Variants in FREM1 observed in about 807,000 individuals in gnomAD.
FREM1 encodes FRAS1 related extracellular matrix 1.
A neutral mutation model predicts 210.1 loss-of-function variants in FREM1; 220 were observed. The ratio of observed to expected loss-of-function variants is 1.05; its 90% CI spans 0.94 to 1.17. The LOEUF (loss-of-function observed/expected upper bound fraction) is 1.17, where lower values mean the gene tolerates loss of function less well. Among genes scored for constraint, FREM1 ranks in the 50% most tolerant of loss-of-function variants. FREM1 has a pLI of 0.00. For synonymous variants in FREM1, 1,189 were observed against 980.2 expected (o/e 1.21, Z -3.98); for missense variants, 3,454 against 2,675.5 (o/e 1.29, Z -6.42).
intron 7 of FREM1, among the ~76,000 whole-genome samples, chr9:14,847,474 A>T (rs1826905890): frequency 7.7e-6 from 1 of 129,128 alleles, no homozygotes; most frequent in Non-Finnish European, 1.8e-5. Context: ...GGGAGAAGAA[A>T]TGGACAGAAG....
In FREM1 at chr9:14,750,159, T is replaced by G; in HGVS notation, c.5525A>C (p.Lys1842Thr). ...PVNAVLGTKT[K>T]AAVKILDSKG... ...TGAGTCCAAAATTTTCACTGCAGCT[T>G]TTGTCTTTGTGCCAAGAACTGCATT... The change falls in exon 30 of 37, where the codon AAA (lysine) becomes ACA (threonine). Residue 1842 changes from lysine to threonine, a missense_variant. Physicochemically the swap from Lys to Thr is moderately conservative, Grantham distance 78. Coordinates refer to ENST00000380880, the MANE Select transcript of FREM1 (RefSeq NM_001379081.2). The G allele has an allele frequency of 6.2e-7, 1 of 1,613,774 alleles. No individual in the cohort carries two copies. The highest frequency in any genetic ancestry group is 2.2e-5 in the East Asian group (1 of 44,882).
chr9:14,754,448 G>A (rs1227822490), intron 29 of FREM1, among the ~76,000 whole-genome samples: 1 of 152,164 alleles, frequency 6.6e-6, no homozygotes, highest in Admixed American at 6.5e-5. Flanking sequence ...ACAAAATACA[G>A]ATTTTTGCAT....
intron 27 of FREM1, among the ~76,000 whole-genome samples, chr9:14,766,560 C>T (rs1486070033): frequency 6.6e-6 from 1 of 152,142 alleles, no homozygotes; most frequent in Non-Finnish European, 1.5e-5. Flanking sequence ...ACAAGCATTT[C>T]CTAATGCTTT....
rs1822055396 is a variant in FREM1, at chr9:14,824,925, T to A, written c.1949A>T (p.His650Leu). The change falls in exon 11 of 37, where the codon CAT becomes CTT. Residue 650 changes from histidine (H) to leucine (L), a missense_variant. By Grantham distance (99) the His-to-Leu change is moderately conservative (BLOSUM62 -3). Coordinates refer to ENST00000380880, the MANE Select transcript of FREM1 (RefSeq NM_001379081.2). Reference protein sequence around the residue: ...LPKEAPGVSRHLVVKETEVAY... With the variant: ...LPKEAPGVSRLLVVKETEVAY... ...CACCTCAGTTTCCTTGACAACCAAA[T>A]GCCGAGAAACTCCAGGAGCCTCTTT... 1 of 1,610,892 alleles carries A rather than the reference T, an allele frequency of 6.2e-7. No individual in the cohort carries two copies. The highest frequency in any genetic ancestry group is 8.5e-7 in the Non-Finnish European group (1 of 1,179,140).
At chr9:14,837,662 T>C (rs1824884524) in intron 10 of FREM1, among the ~76,000 whole-genome samples, 1 of 152,220 alleles carries the variant, frequency 6.6e-6, no homozygotes, top group Non-Finnish European at 1.5e-5. Flanking sequence ...TGATCCACAC[T>C]ATGGCTGGGA....
chr9:14,841,569 G>C lies in FREM1; in HGVS notation c.1759C>G (p.Leu587Val), dbSNP rs1825701733. The C allele has an allele frequency of 3.1e-6, 5 of 1,608,144 alleles. No individual in the cohort carries two copies. The highest frequency in any genetic ancestry group is 4.3e-6 in the Non-Finnish European group (5 of 1,175,986). ...GLIGYPVHGF[L>V]QRDLFNGIIY... ...ATTCCATTAAACAAATCCCTCTGAAGGAAGCCATGGACAGGATAGCCTATT... is the reference window on the plus strand; with the variant it reads ...ATTCCATTAAACAAATCCCTCTGAACGAAGCCATGGACAGGATAGCCTATT... The change falls in exon 10 of 37, where the codon CTT becomes GTT. Residue 587 changes from leucine (L) to valine (V), a missense_variant. By Grantham distance (32) the Leu-to-Val change is conservative. Coordinates refer to ENST00000380880, the MANE Select transcript of FREM1 (RefSeq NM_001379081.2).
intron 27 of FREM1, among the ~76,000 whole-genome samples, chr9:14,765,217 G>A (rs931133211): frequency 4.6e-5 from 7 of 152,116 alleles, no homozygotes; most frequent in Admixed American, 1.3e-4. Flanking sequence ...ATTAAACTCC[G>A]TAATCGAATG....
At chr9:14,860,053 G>A (rs1377751822) in intron 3 of FREM1, among the ~76,000 whole-genome samples, 1 of 152,130 alleles carries the variant, frequency 6.6e-6, no homozygotes, top group East Asian at 1.9e-4. Context: ...ATAGAGGGGT[G>A]TCATTTTTTT....
intron 18 of FREM1, 63 bp downstream of exon 18, chr9:14,806,596 CCT>C: frequency 3.1e-6 from 3 of 952,502 alleles, no homozygotes; most frequent in Non-Finnish European, 5.0e-6. Context: ...TTAAGCATGA[CCT>C]GGCCAATCGC....
chr9:14,871,588 C>T lies in FREM1; in HGVS notation c.-267-2344G>A, dbSNP rs565992762. Among the ~76,000 whole-genome samples the T allele has an allele frequency of 5.5e-3, 841 of 152,184 alleles. 5 individuals are homozygous for T. The highest frequency in any genetic ancestry group is 0.019 in the African/African-American group (791 of 41,530). On this transcript the variant is annotated intron_variant, in intron 1 of 36. Coordinates refer to ENST00000380880, the MANE Select transcript of FREM1 (RefSeq NM_001379081.2). Reference sequence around the variant, plus strand: ...CAAATGAGTAGGTTGCGAAAATTTTCTCCCATTGTATAGGTTGCCTGTTCA... The same window carrying T: ...CAAATGAGTAGGTTGCGAAAATTTTTTCCCATTGTATAGGTTGCCTGTTCA...
At chr9:14,744,001 A>C (rs921463031) in intron 35 of FREM1, among the ~76,000 whole-genome samples, 8 of 152,086 alleles carry the variant, frequency 5.3e-5, no homozygotes, top group Non-Finnish European at 1.0e-4. Flanking sequence ...AGAATGTCTT[A>C]TTTGTTCTTT....
At chr9:14,869,584 C>T (rs1218715134) in intron 1 of FREM1, among the ~76,000 whole-genome samples, 1 of 152,204 alleles carries the variant, frequency 6.6e-6, no homozygotes, top group Admixed American at 6.5e-5. Context: ...TTGTCAAACT[C>T]TTTGCTTCCC....
chr9:14,807,647 T>G (rs1457710854), intron 17 of FREM1, among the ~76,000 whole-genome samples: 1 of 149,950 alleles, frequency 6.7e-6, no homozygotes, highest in Non-Finnish European at 1.5e-5. Context: ...GATTGCAATG[T>G]TGTCCTTGTC....
At chr9:14,852,433 AT>A (rs1314084059) in intron 5 of FREM1, among the ~76,000 whole-genome samples, 1 of 152,168 alleles carries the variant, frequency 6.6e-6, no homozygotes, top group Non-Finnish European at 1.5e-5. Context: ...CACGCCTGCA[AT>A]CCCAGCACTC....
At chr9:14,798,298 T>G (rs1436877688) in intron 20 of FREM1, among the ~76,000 whole-genome samples, 1 of 152,220 alleles carries the variant, frequency 6.6e-6, no homozygotes, top group Non-Finnish European at 1.5e-5. Context: ...AGTTGTATTT[T>G]AAAGATAGTT....
chr9:14,860,650 T>C (rs1282174235), intron 3 of FREM1, among the ~76,000 whole-genome samples: 5 of 141,158 alleles, frequency 3.5e-5, no homozygotes, highest in Admixed American at 7.3e-5. Context: ...TGTATACATA[T>C]ATACACATAT....
In FREM1 at chr9:14,775,845, G is replaced by C; in HGVS notation, c.4801C>G (p.Gln1601Glu). 6.2e-7 allele frequency: 1 copy of C among 1,613,658 alleles called. No homozygotes were observed. The highest frequency in any genetic ancestry group is 1.6e-4 in the Middle Eastern group (1 of 6,062). Residue 1601 changes from glutamine to glutamate, a missense_variant, in exon 25 of 37, where the codon CAA (glutamine) becomes GAA (glutamate). Gln to Glu is a conservative substitution (Grantham distance 29). Coordinates refer to ENST00000380880, the MANE Select transcript of FREM1 (RefSeq NM_001379081.2). ...FTFMATDGTN[Q>E]GFIVNGRVWE... ...ACTCTCCCATTCACAATAAAGCCTT[G>C]GTTTGTCCCATCTGTGGCCATGAAA...
intron 1 of FREM1, among the ~76,000 whole-genome samples, chr9:14,887,659 T>A (rs1010237625): frequency 6.6e-5 from 10 of 152,212 alleles, no homozygotes; most frequent in African/African-American, 2.4e-5. Context: ...AAACAATTTT[T>A]AGTCTCCCCT....
chr9:14,768,619 AT>A (rs1310882145), intron 27 of FREM1, among the ~76,000 whole-genome samples: 1 of 152,094 alleles, frequency 6.6e-6, no homozygotes, highest in Non-Finnish European at 1.5e-5. Context: ...CAGGCTCTGC[AT>A]TTTATCGAGG....
Sources: gnomAD v4.1 joint callset for allele counts (sites outside exome capture counted in the v4.1 genomes callset) on GRCh38, gnomAD v4.1.1 for gene constraint, MANE v1.5 for transcripts, NCBI Gene and HGNC (gene_info 2026-07-23, HGNC 2026-07-21) for gene names.